ITIH1: variants seen among roughly 807,000 people sequenced by gnomAD.
ITIH1 encodes inter-alpha-trypsin inhibitor heavy chain H1.
Under a neutral mutation model 104.6 loss-of-function variants are expected in ITIH1, and 94 were observed. The observed-to-expected ratio is 0.90, with a 90% CI of 0.76 to 1.07. ITIH1 has a LOEUF of 1.07. Among genes scored for constraint, ITIH1 ranks in the 50% least tolerant of loss-of-function variants. The probability of loss-of-function intolerance (pLI) is 0.00; values close to 1 mark genes in which losing one functional copy is unlikely to be tolerated. For missense variants in ITIH1, 1,193 were observed against 1,181.4 expected (o/e 1.01, Z -0.14); for synonymous variants, 455 against 464.4 (o/e 0.98, Z 0.26).
rs751075449 is a variant in ITIH1 at position 52,786,287 on chromosome 3, A to T, written c.1594-8A>T. On this transcript the variant is annotated splice_region_variant and splice_polypyrimidine_tract_variant and intron_variant, in intron 12 of 21. Coordinates refer to ENST00000273283, the MANE Select transcript of ITIH1 (RefSeq NM_002215.4). Reference sequence around the variant, plus strand: ...GTGCACCACCCCTCTCTGTACCTCAACTCTCAGGAGGGACAAGAATTCAGT... The same window carrying T: ...GTGCACCACCCCTCTCTGTACCTCATCTCTCAGGAGGGACAAGAATTCAGT... 3.3e-5 allele frequency: 52 copies of T among 1,566,020 alleles called. No individual in the cohort carries two copies. The South Asian group carries it at 5.9e-4, about 18-fold the overall frequency.
At chr3:52,780,155 C>T (rs556099578) in intron 5 of ITIH1, 114 bp from the exon 6 acceptor site, 1,003 of 954,414 alleles carry the variant, frequency 1.1e-3, no homozygotes, top group Non-Finnish European at 1.4e-3. Context: ...ATCCCAGCTA[C>T]GTGGGAGGCT....
Position 52,784,333 on chromosome 3 carries a change from C to T in ITIH1, c.1263C>T (p.Arg421=). The change falls in exon 11 of 22, where the codon CGC becomes CGT. Residue 421 remains arginine, a synonymous_variant. Transcript: ENST00000273283. ...GTTCCCAAATCCTCAAGAACGTCCG[C>T]AACGCCATCCGGGGCAGGTTCCCGC... The part of the protein sequence containing the change: ...TDRSQILKNV[R]NAIRGRFPLY... The T allele has an allele frequency of 6.2e-7, 1 of 1,614,106 alleles. No individual in the cohort carries two copies. The highest frequency in any genetic ancestry group is 8.5e-7 in the Non-Finnish European group (1 of 1,179,958).
At chr3:52,778,076 C>G (rs1578726595) in intron 2 of ITIH1, 59 bp downstream of exon 2, 2 of 1,588,802 alleles carry the variant, frequency 1.3e-6, no homozygotes, top group Non-Finnish European at 1.7e-6. Flanking sequence ...GGCTTGCTTT[C>G]CCCAACCTGT....
At position 52,792,017 on chromosome 3, in the gene ITIH1, T is replaced by C; in HGVS notation, c.*106T>C. 2.3e-6 allele frequency: 3 copies of C among 1,304,012 alleles called. No homozygotes were observed. The highest frequency in any genetic ancestry group is 1.4e-5 in the South Asian group (1 of 69,258). The allele number at this position is 1,304,012 out of a possible 1,614,324, so 80.8% of individuals were successfully genotyped here. A position where few individuals can be genotyped will look rare whatever the true frequency, so the allele number is the denominator to read the frequency against. On this transcript the variant is annotated 3_prime_UTR_variant, in exon 22 of 22. Coordinates refer to ENST00000273283, the MANE Select transcript of ITIH1 (RefSeq NM_002215.4). ...TACCTCCTTGACTAAGCTGGTTCCT[T>C]GTGTCAAAGCACCTCATGCCTTCCA...
chr3:52,783,787 G>T (rs1313445208), intron 10 of ITIH1, among the ~76,000 whole-genome samples: 1 of 152,060 alleles, frequency 6.6e-6, no homozygotes, highest in Non-Finnish European at 1.5e-5. Context: ...GGTGCTTGAG[G>T]CTGTGGAACC....
chr3:52,787,755 A>C (rs1699238842), intron 16 of ITIH1, 143 bp downstream of exon 16: 4 of 1,039,800 alleles, frequency 3.8e-6, no homozygotes, highest in Non-Finnish European at 6.1e-6. Flanking sequence ...TGGCCTCCCC[A>C]GCCTGAGGTC....
intron 15 of ITIH1, 39 bp from the exon 16 acceptor site, chr3:52,787,553 G>A (rs1687047678): frequency 1.2e-6 from 2 of 1,613,680 alleles, no homozygotes; most frequent in South Asian, 2.2e-5. Context: ...GGCACCGTGG[G>A]TGACACTGTC....
Position 52,791,936 on chromosome 3 carries a change from TC to T in ITIH1, c.*30del. The T allele has an allele frequency of 1.3e-6, 2 of 1,598,270 alleles. No homozygotes were observed. Among genetic ancestry groups the T allele is most frequent in the Non-Finnish European group, 1.7e-6 (2 of 1,171,080 alleles). On this transcript the variant is annotated 3_prime_UTR_variant, in exon 22 of 22. Coordinates refer to ENST00000273283, the MANE Select transcript of ITIH1 (RefSeq NM_002215.4). ...AGCCCTCTGGCCAGCACGCCTGTCC[TC>T]CCCCGGGGCCAAGGCAGAGGAGGAG...
chr3:52,779,785 A>G lies in ITIH1; in HGVS notation c.573+191A>G. The G allele has an allele frequency of 2.9e-6, 3 of 1,043,998 alleles. No homozygotes were observed. The highest frequency in any genetic ancestry group is 2.7e-6 in the Non-Finnish European group (2 of 734,556). The allele number at this position is 1,043,998 out of a possible 1,614,324, so 64.7% of individuals were successfully genotyped here. On this transcript the variant is annotated intron_variant, in intron 5 of 21. Coordinates refer to ENST00000273283, the MANE Select transcript of ITIH1 (RefSeq NM_002215.4). The surrounding 1 kb of genome is among the most constrained non-coding windows in gnomAD (Gnocchi z 4.4). ...CCCTGAATTCTCTAACTTCCTCTTT[A>G]TCTCTGAGCTTCGGTTTGCTCATCT...
chr3:52,790,589 G>A, intron 19 of ITIH1, 160 bp from the exon 20 acceptor site: 1 of 699,284 alleles, frequency 1.4e-6, no homozygotes, highest in Non-Finnish European at 2.5e-6. Context: ...CAAGCAACAT[G>A]TGGGGAGGGG....
chr3:52,783,746 G>C (rs1448820198), intron 10 of ITIH1, among the ~76,000 whole-genome samples: 1 of 152,112 alleles, frequency 6.6e-6, no homozygotes, highest in Non-Finnish European at 1.5e-5. Context: ...AGCAGATCCA[G>C]GAGTAGATAC....
Position 52,786,277 on chromosome 3 carries a change from C to G in ITIH1, c.1594-18C>G. The G allele has an allele frequency of 6.4e-7, 1 of 1,562,920 alleles. No homozygotes were observed. Among genetic ancestry groups the G allele is most frequent in the East Asian group, 2.3e-5 (1 of 42,786 alleles). On this transcript the variant is annotated intron_variant, in intron 12 of 21. Transcript: ENST00000273283. ...GCTTATCATGGTGCACCACCCCTCT[C>G]TGTACCTCAACTCTCAGGAGGGACA...
chr3:52,778,836 C>A, intron 3 of ITIH1, 106 bp from the exon 4 acceptor site: 1 of 1,073,188 alleles, frequency 9.3e-7, no homozygotes, highest in Non-Finnish European at 1.4e-6. Context: ...CAGTGGAAGG[C>A]TCGTCAGGAG....
rs1253754593 is a variant in ITIH1 at position 52,779,651 on chromosome 3, C to T, written c.573+57C>T. 1 of 1,587,308 alleles carries T rather than the reference C, an allele frequency of 6.3e-7. No homozygotes were observed. The highest frequency in any genetic ancestry group is 8.6e-7 in the Non-Finnish European group (1 of 1,156,142). On this transcript the variant is annotated intron_variant, in intron 5 of 21. Transcript: ENST00000273283. This position sits in a 1 kb window ranked among gnomAD's most constrained non-coding sequence, Gnocchi z 4.4. ...CCCCTCTCTCCGTCACCATGGCTCC[C>T]AACACTGGTTGAGCACCCACCATGT...
Position 52,790,930 on chromosome 3 carries a change from G to A in ITIH1, c.2494+9G>A, listed in dbSNP as rs1260982232. 4 of 1,591,798 alleles carry A rather than the reference G, an allele frequency of 2.5e-6. No individual in the cohort carries two copies. Among genetic ancestry groups the A allele is most frequent in the African/African-American group, 2.7e-5 (2 of 73,442 alleles). On this transcript the variant is annotated intron_variant, in intron 20 of 21. Coordinates refer to ENST00000273283, the MANE Select transcript of ITIH1 (RefSeq NM_002215.4). ...GACGCACGGGCTGCTGGGTACGGCT[G>A]GCCAGGCTGGCAGGGCTGTGGGGAA... is the stretch of plus-strand genomic sequence containing the variant.
Position 52,791,863 on chromosome 3 carries a change from A to T in ITIH1, c.2688A>T (p.Gly896=). The T allele has an allele frequency of 6.2e-7, 1 of 1,614,006 alleles. No homozygotes were observed. The highest frequency in any genetic ancestry group is 8.5e-7 in the Non-Finnish European group (1 of 1,179,992). ...SCWFIHNNGA[G]LIDGAYTDYI... is the part of the protein sequence containing the mutation. ...GGTTCATTCACAACAATGGGGCTGG[A>T]CTCATCGATGGTGCCTACACTGATT... Residue 896 remains glycine (G), a synonymous_variant, in exon 22 of 22, where the codon GGA becomes GGT. Transcript: ENST00000273283.
intron 7 of ITIH1, 37 bp downstream of exon 7, chr3:52,782,102 G>A: frequency 3.1e-6 from 5 of 1,614,108 alleles, no homozygotes; most frequent in Non-Finnish European, 4.2e-6. Flanking sequence ...CCCAGAGGAT[G>A]GGCAAGGGGT....
rs766022292 is a variant in ITIH1 at position 52,787,034 on chromosome 3, C to T, written c.1823C>T (p.Ser608Phe). 1 of 1,614,032 alleles carries T rather than the reference C, an allele frequency of 6.2e-7. No individual in the cohort carries two copies. The highest frequency in any genetic ancestry group is 1.1e-5 in the South Asian group (1 of 91,086). Reference sequence around the variant, plus strand: ...TATGGGTTTGTGACCCCACTGACCTCCATGAGCATCAGGGGCATGGCGGAC... The same window carrying T: ...TATGGGTTTGTGACCCCACTGACCTTCATGAGCATCAGGGGCATGGCGGAC... ...LDYGFVTPLT[S>F]MSIRGMADQD... Residue 608 changes from serine (S) to phenylalanine (F), a missense_variant, in exon 14 of 22, where the codon TCC becomes TTC. Coordinates refer to ENST00000273283, the MANE Select transcript of ITIH1 (RefSeq NM_002215.4).
rs2154108330 is a variant in ITIH1, at chr3:52,782,191, A to T, written c.854A>T (p.Asn285Ile). The T allele has an allele frequency of 6.2e-7, 1 of 1,614,098 alleles. No homozygotes were observed. Among genetic ancestry groups the T allele is most frequent in the African/African-American group, 1.3e-5 (1 of 75,016 alleles). Residue 285 changes from asparagine (N) to isoleucine (I), a missense_variant, in exon 8 of 22, where the codon AAC (asparagine) becomes ATC (isoleucine). By Grantham distance (149) the Asn-to-Ile change is moderately radical. Coordinates refer to ENST00000273283, the MANE Select transcript of ITIH1 (RefSeq NM_002215.4). ...TTTGCCCACTTCTTTGCCCCCCAAAACCTGACAAACATGAACAAGAACGTG... is the reference window on the plus strand; with the variant it reads ...TTTGCCCACTTCTTTGCCCCCCAAATCCTGACAAACATGAACAAGAACGTG... ...NHFAHFFAPQ[N>I]LTNMNKNVVF...
Sources: allele counts gnomAD v4.1 joint callset (sites outside exome capture counted in the v4.1 genomes callset), GRCh38; gene constraint gnomAD v4.1.1; non-coding constraint Gnocchi (gnomAD v3.1); transcripts MANE v1.5; gene names NCBI Gene and HGNC (gene_info 2026-07-23, HGNC 2026-07-21).